Variants in SLC2A13 observed in about 807,000 individuals in gnomAD.
The protein encoded by SLC2A13 is solute carrier family 2 member 13, also known as proton myo-inositol cotransporter.
A neutral mutation model predicts 64.4 loss-of-function variants in SLC2A13; 32 were observed. The observed-to-expected ratio is 0.50, with a 90% CI of 0.37 to 0.67. SLC2A13 has a LOEUF of 0.67. Among genes scored for constraint, SLC2A13 ranks in the 30% least tolerant of loss-of-function variants. The pLI is 0.00. For missense variants in SLC2A13, 743 were observed against 829.2 expected, an observed-to-expected ratio of 0.90 and a Z score of 1.28; for synonymous variants, 338 against 327.1, an observed-to-expected ratio of 1.03 and a Z score of -0.36.
At chr12:39,847,973 C>A (rs1213936651) in intron 6 of SLC2A13, among the ~76,000 whole-genome samples, 1 of 152,040 alleles carries the variant, frequency 6.6e-6, no homozygotes, top group Non-Finnish European at 1.5e-5. Context: ...GCTTTGTTTC[C>A]TTAACACCTG....
chr12:39,990,280 A>G (rs1261631922), intron 3 of SLC2A13, among the ~76,000 whole-genome samples: 3 of 152,192 alleles, frequency 2.0e-5, no homozygotes, highest in Non-Finnish European at 4.4e-5. Flanking sequence ...TCTCTTCACA[A>G]TATCCCTGAG....
At chr12:40,070,626 G>C (rs189413610) in intron 1 of SLC2A13, among the ~76,000 whole-genome samples, 1 of 152,238 alleles carries the variant, frequency 6.6e-6, no homozygotes, top group Admixed American at 6.5e-5. Context: ...GCCAGAACCT[G>C]GATTTGGGTG....
chr12:39,790,172 G>C (rs1290979307), intron 7 of SLC2A13, among the ~76,000 whole-genome samples: 2 of 146,700 alleles, frequency 1.4e-5, no homozygotes, highest in African/African-American at 5.0e-5. Context: ...ATTGAAGAAA[G>C]AATTTTTTAT....
intron 1 of SLC2A13, among the ~76,000 whole-genome samples, chr12:40,067,769 T>G (rs1937791034): frequency 6.6e-6 from 1 of 152,214 alleles, no homozygotes; most frequent in Non-Finnish European, 1.5e-5. Context: ...CAACTGCACG[T>G]TTCTTCTCTC....
intron 1 of SLC2A13, among the ~76,000 whole-genome samples, chr12:40,082,401 A>G (rs994122505): frequency 1.3e-5 from 2 of 152,134 alleles, no homozygotes; most frequent in Non-Finnish European, 2.9e-5. Flanking sequence ...TTGAGTTGTA[A>G]TCAGTTACAA....
intron 4 of SLC2A13, among the ~76,000 whole-genome samples, chr12:39,906,956 G>A (rs983013468): frequency 1.3e-5 from 2 of 152,040 alleles, no homozygotes; most frequent in Non-Finnish European, 2.9e-5. Flanking sequence ...TTTATAAATA[G>A]AAAAATCAGT....
intron 1 of SLC2A13, among the ~76,000 whole-genome samples, chr12:40,091,449 T>C (rs559667307): frequency 2.1e-4 from 32 of 152,208 alleles, no homozygotes; most frequent in Non-Finnish European, 3.8e-4. Context: ...TGCTAGACTT[T>C]TTTGCTGTGT....
chr12:39,984,674 C>A (rs1946995665), intron 3 of SLC2A13, among the ~76,000 whole-genome samples: 1 of 152,092 alleles, frequency 6.6e-6, no homozygotes, highest in African/African-American at 2.4e-5. Context: ...CCATTTACTT[C>A]TTTGATGATG....
At chr12:39,967,952 TAG>T (rs1167474361) in intron 3 of SLC2A13, among the ~76,000 whole-genome samples, 1 of 152,192 alleles carries the variant, frequency 6.6e-6, no homozygotes, top group Non-Finnish European at 1.5e-5. Flanking sequence ...ATGACTTAAA[TAG>T]ATTCCCTATC....
chr12:39,943,943 C>A (rs912475800), intron 4 of SLC2A13, among the ~76,000 whole-genome samples: 1 of 152,132 alleles, frequency 6.6e-6, no homozygotes, highest in Non-Finnish European at 1.5e-5. Flanking sequence ...CCCAGTGGCA[C>A]CTGTAACACC....
At chr12:39,831,549 A>G (rs925748086) in intron 6 of SLC2A13, among the ~76,000 whole-genome samples, 10 of 152,198 alleles carry the variant, frequency 6.6e-5, no homozygotes, top group African/African-American at 2.2e-4. Flanking sequence ...TCATGTAACT[A>G]AATATGAAAG....
chr12:40,071,770 T>C (rs1937969717), intron 1 of SLC2A13, among the ~76,000 whole-genome samples: 1 of 152,166 alleles, frequency 6.6e-6, no homozygotes, highest in Admixed American at 6.6e-5. Flanking sequence ...ATGGAATCTG[T>C]AGTGCTGTCA....
chr12:39,875,949 G>A (rs1944173936), intron 4 of SLC2A13, among the ~76,000 whole-genome samples: 1 of 152,108 alleles, frequency 6.6e-6, no homozygotes, highest in South Asian at 2.1e-4. Context: ...AAGGCATAAG[G>A]GAACCCTCTT....
chr12:40,061,178 G>C (rs965789895), intron 1 of SLC2A13, among the ~76,000 whole-genome samples: 2 of 151,970 alleles, frequency 1.3e-5, no homozygotes, highest in Non-Finnish European at 2.9e-5. Context: ...GCAAAAAGGA[G>C]AGAAGCAGCA....
At chr12:39,792,627 G>T (rs2135766852) in intron 7 of SLC2A13, among the ~76,000 whole-genome samples, 1 of 152,190 alleles carries the variant, frequency 6.6e-6, no homozygotes, top group South Asian at 2.1e-4. Context: ...CAGGATCCCT[G>T]TGGATACCAA....
intron 6 of SLC2A13, among the ~76,000 whole-genome samples, chr12:39,851,538 A>C (rs2135895675): frequency 6.6e-6 from 1 of 152,288 alleles, no homozygotes; most frequent in African/African-American, 2.4e-5. Context: ...CCATTTCAAA[A>C]ATGTTTGGTC....
intron 3 of SLC2A13, among the ~76,000 whole-genome samples, chr12:39,964,295 C>A (rs1451702785): frequency 6.6e-6 from 1 of 151,964 alleles, no homozygotes; most frequent in Non-Finnish European, 1.5e-5. Flanking sequence ...TTAAAAAATA[C>A]CAGTGGTAGT....
intron 7 of SLC2A13, among the ~76,000 whole-genome samples, chr12:39,773,876 T>A (rs1940673418): frequency 6.6e-6 from 1 of 152,230 alleles, no homozygotes; most frequent in South Asian, 2.1e-4. Flanking sequence ...GAGAGCTTAC[T>A]ACAGTTCGTG....
At chr12:39,910,079 A>G (rs1465611394) in intron 4 of SLC2A13, among the ~76,000 whole-genome samples, 1 of 152,120 alleles carries the variant, frequency 6.6e-6, no homozygotes, top group Non-Finnish European at 1.5e-5. Context: ...CAGCCCTTAG[A>G]AGAAGAACTA....
Sources: gnomAD v4.1 joint callset for allele counts (sites outside exome capture counted in the v4.1 genomes callset) on GRCh38, gnomAD v4.1.1 for gene constraint, MANE v1.5 for transcripts, NCBI Gene and HGNC (gene_info 2026-07-23, HGNC 2026-07-21) for gene names.